The following OR1J2 variants were observed in gnomAD, a reference collection of about 807,000 sequenced individuals.
OR1J2 encodes olfactory receptor family 1 subfamily J member 2, also known as olfactory receptor 1J2.
For synonymous variants in OR1J2, 142 were observed against 99.7 expected (o/e 1.42, Z -2.52); for missense variants, 304 against 246.1 (o/e 1.24, Z -1.57).
At chr9:122,510,420 A>G (rs1828609424), upstream of OR1J2, among the ~76,000 whole-genome samples, 1 of 152,124 alleles carries the variant, frequency 6.6e-6, no homozygotes, top group African/African-American at 2.4e-5. Flanking sequence ...GCTTTTTTCT[A>G]GTTTTCTTAC....
chr9:122,457,625 CT>C, the OR1J2 span, among the ~76,000 whole-genome samples: 8 of 151,688 alleles, frequency 5.3e-5, no homozygotes, highest in Admixed American at 5.2e-4. Context: ...AGATATTGGA[CT>C]TACTAGTGAA....
At chr9:122,553,272 T>A in the OR1J2 span, 2 of 1,613,998 alleles carry the variant, frequency 1.2e-6, no homozygotes, top group Non-Finnish European at 1.7e-6. Context: ...TCTAGGACTC[T>A]CTGAGTGGCC....
At chr9:122,473,726 A>C in the OR1J2 span, among the ~76,000 whole-genome samples, 1 of 152,150 alleles carries the variant, frequency 6.6e-6, no homozygotes, top group African/African-American at 2.4e-5. Context: ...ACTATATCAA[A>C]GGGTTAAACA....
At chr9:122,536,166 T>G in the OR1J2 span, among the ~76,000 whole-genome samples, 1 of 152,198 alleles carries the variant, frequency 6.6e-6, no homozygotes, top group South Asian at 2.1e-4. Context: ...TATTGATTTG[T>G]AACCACAGTC....
the OR1J2 span, among the ~76,000 whole-genome samples, chr9:122,470,984 G>A: frequency 0.067 from 10,267 of 152,290 alleles, 523 homozygotes; most frequent in Admixed American, 0.13. Flanking sequence ...GATTTTACAG[G>A]CTCATAGGAG....
the OR1J2 span, among the ~76,000 whole-genome samples, chr9:122,559,210 TA>T: frequency 6.6e-6 from 1 of 152,166 alleles, no homozygotes; most frequent in Non-Finnish European, 1.5e-5. Context: ...CCACTCCTCC[TA>T]AATCTTCAGC....
At chr9:122,467,655 G>T in the OR1J2 span, among the ~76,000 whole-genome samples, 2 of 152,248 alleles carry the variant, frequency 1.3e-5, no homozygotes, top group Non-Finnish European at 2.9e-5. Context: ...CACTAAACCA[G>T]ATGGCACTGC....
At chr9:122,527,125 T>C in the OR1J2 span, 5 of 1,614,054 alleles carry the variant, frequency 3.1e-6, no homozygotes, top group Non-Finnish European at 4.2e-6. Flanking sequence ...AAAAAGTACA[T>C]GGGGGTGTGG....
At chr9:122,477,447 G>T in the OR1J2 span, 136 of 1,613,872 alleles carry the variant, frequency 8.4e-5, no homozygotes, top group Middle Eastern at 1.6e-4. Flanking sequence ...CCAGGAGGAG[G>T]GTATGCAAAA....
At position 122,511,131 on chromosome 9, in the gene OR1J2, G is replaced by A. The variant is rs1431358447; in HGVS notation, c.330G>A (p.Leu110=). The A allele has an allele frequency of 1.2e-6, 1 of 848,754 alleles. No homozygotes were observed. The highest frequency in any genetic ancestry group is 1.6e-5 in the South Asian group (1 of 64,102). The allele number at this position is 848,754 out of a possible 1,614,324, so 52.6% of individuals were successfully genotyped here. The change falls in exon 1 of 1, where the codon CTG becomes CTA. Residue 110 remains leucine, a synonymous_variant. Transcript: ENST00000335302. ...ATTTTTTTATATTTTTTACTGACCT[G>A]GACAGCTTCCTTATTACATCAATGG... is the stretch of plus-strand genomic sequence containing the variant. ...QMYFFIFFTD[L]DSFLITSMAY... is the part of the protein sequence containing the mutation.
the OR1J2 span, among the ~76,000 whole-genome samples, chr9:122,521,066 G>C: frequency 6.6e-6 from 1 of 152,342 alleles, no homozygotes; most frequent in South Asian, 2.1e-4. Flanking sequence ...CGTGGCCTCA[G>C]ACAATTCACC....
the OR1J2 span, among the ~76,000 whole-genome samples, chr9:122,540,711 T>C: frequency 6.6e-6 from 1 of 152,224 alleles, no homozygotes; most frequent in Non-Finnish European, 1.5e-5. Context: ...TTGGGCAGTA[T>C]GGCCATTTTC....
At chr9:122,521,427 A>C in the OR1J2 span, among the ~76,000 whole-genome samples, 1 of 152,228 alleles carries the variant, frequency 6.6e-6, no homozygotes, top group East Asian at 1.9e-4. Flanking sequence ...TGGGTAGGTA[A>C]GGAAAGACAG....
chr9:122,539,934 T>C, the OR1J2 span, among the ~76,000 whole-genome samples: 7 of 152,110 alleles, frequency 4.6e-5, no homozygotes, highest in East Asian at 1.4e-3. Context: ...TGTCTGTTCA[T>C]ATCCTTCACC....
the OR1J2 span, among the ~76,000 whole-genome samples, chr9:122,479,455 C>T: frequency 6.6e-6 from 1 of 152,118 alleles, no homozygotes; most frequent in African/African-American, 2.4e-5. Flanking sequence ...TTAGAAATTC[C>T]TGCTTGATCT....
chr9:122,485,018 G>T, the OR1J2 span, among the ~76,000 whole-genome samples: 2 of 152,096 alleles, frequency 1.3e-5, no homozygotes, highest in African/African-American at 4.8e-5. Context: ...GTGACAGAGT[G>T]AGACCATGTT....
At chr9:122,454,057 A>G in the OR1J2 span, among the ~76,000 whole-genome samples, 35 of 152,322 alleles carry the variant, frequency 2.3e-4, no homozygotes, top group African/African-American at 8.2e-4. Context: ...CTTCTCTCCA[A>G]ATCTCGTACA....
At chr9:122,506,778 T>C (rs1260093066), upstream of OR1J2, among the ~76,000 whole-genome samples, 1 of 151,712 alleles carries the variant, frequency 6.6e-6, no homozygotes, top group African/African-American at 2.4e-5. Context: ...CAGAGAGATA[T>C]TGAGTGGCAG....
At chr9:122,476,613 T>G in the OR1J2 span, among the ~76,000 whole-genome samples, 2 of 152,254 alleles carry the variant, frequency 1.3e-5, no homozygotes, top group Non-Finnish European at 2.9e-5. Flanking sequence ...AATTTGTATT[T>G]CTGTATTATT....
Sources: allele counts gnomAD v4.1 joint callset (sites outside exome capture counted in the v4.1 genomes callset), GRCh38; gene constraint gnomAD v4.1.1; transcripts MANE v1.5; gene names NCBI Gene and HGNC (gene_info 2026-07-23, HGNC 2026-07-21).